CASQ1: variants seen among roughly 807,000 people sequenced by gnomAD.
CASQ1 encodes calsequestrin-1.
CASQ1 carries 40 observed loss-of-function variants against 49.5 expected under a neutral mutation model. The observed-to-expected ratio is 0.81, with a 90% CI of 0.63 to 1.05. CASQ1 has a LOEUF of 1.05. Among genes scored for constraint, CASQ1 ranks in the 50% least tolerant of loss-of-function variants. The probability of loss-of-function intolerance (pLI) is 0.00; values close to 1 mark genes in which losing one functional copy is unlikely to be tolerated. For missense variants in CASQ1, 469 were observed against 486.9 expected (o/e 0.96, Z 0.35); for synonymous variants, 174 against 187.2 (o/e 0.93, Z 0.58).
At chr1:160,195,820 T>C (rs1440912755) in intron 5 of CASQ1, 77 bp from the exon 6 acceptor site, 1 of 1,459,744 alleles carries the variant, frequency 6.9e-7, no homozygotes, top group Non-Finnish European at 9.4e-7. Context: ...TTCCTAATAT[T>C]TGTTCCCCCA....
chr1:160,201,468 G>C lies in CASQ1; in HGVS notation c.*92G>C, dbSNP rs74123288. The stretch of plus-strand genomic sequence containing the variant: ...TCCCTGAGTTCCTCCAGGGAGACTA[G>C]GTTATTCTCTGCCATAGAGCTAACT... On this transcript the variant is annotated 3_prime_UTR_variant, in exon 11 of 11. Transcript: ENST00000368078. 1.1e-3 allele frequency: 1,576 copies of C among 1,385,086 alleles called. 14 individuals are homozygous for C. In the African/African-American group the frequency reaches 0.019, roughly 17 times the overall value. 85.8% of individuals were successfully genotyped at this position (1,385,086 alleles called of 1,614,324 possible). A position where few individuals can be genotyped will look rare whatever the true frequency, so the allele number is the denominator to read the frequency against.
At chr1:160,197,754 C>T (rs975859907) in intron 7 of CASQ1, 140 bp downstream of exon 7, 10 of 664,610 alleles carry the variant, frequency 1.5e-5, no homozygotes, top group Non-Finnish European at 2.2e-5. Context: ...TGTGGTGGCT[C>T]ATGCCTGTAA....
chr1:160,193,231 C>T (rs1654120328), intron 2 of CASQ1, among the ~76,000 whole-genome samples: 1 of 152,116 alleles, frequency 6.6e-6, no homozygotes, highest in African/African-American at 2.4e-5. Context: ...CAACCCCTCC[C>T]ATCCAGAGCC....
chr1:160,192,452 C>G (rs1273089564), intron 1 of CASQ1, among the ~76,000 whole-genome samples: 1 of 152,158 alleles, frequency 6.6e-6, no homozygotes, highest in Non-Finnish European at 1.5e-5. Context: ...GTGACTTGAG[C>G]AGGATGGAAT....
chr1:160,194,867 C>T lies in CASQ1; in HGVS notation c.466-145C>T, dbSNP rs111485344. 36 of 587,376 alleles carry T rather than the reference C, an allele frequency of 6.1e-5. 1 individual carries two copies. The highest frequency in any genetic ancestry group is 3.4e-4 in the East Asian group (12 of 35,142). 36.4% of individuals were successfully genotyped at this position (587,376 alleles called of 1,614,324 possible). Reference sequence around the variant, plus strand: ...ACACATCACACACTATACACACACACGCACATGCAATCCCCCACACACACA... The same window carrying T: ...ACACATCACACACTATACACACACATGCACATGCAATCCCCCACACACACA... On this transcript the variant is annotated intron_variant, in intron 3 of 10. Coordinates refer to ENST00000368078, the MANE Select transcript of CASQ1 (RefSeq NM_001231.5).
rs371888819 is a variant in CASQ1 at position 160,195,989 on chromosome 1, C to T, written c.744C>T (p.Ser248=). 1.9e-4 allele frequency: 310 copies of T among 1,613,976 alleles called. 5 individuals carry two copies. The Admixed American group carries it at 4.9e-3, about 26-fold the overall frequency. ...TGACCATCCCAGACAAGCCCAATAG[C>T]GAAGAGGAGATTGTCAACTTCGTGG... is the stretch of plus-strand genomic sequence containing the variant. ...EPVTIPDKPN[S]EEEIVNFVEE... Residue 248 remains serine, a synonymous_variant, in exon 6 of 11, where the codon AGC becomes AGT. Coordinates refer to ENST00000368078, the MANE Select transcript of CASQ1 (RefSeq NM_001231.5).
At chr1:160,194,954 C>A in intron 3 of CASQ1, 58 bp from the exon 4 acceptor site, 1 of 1,065,622 alleles carries the variant, frequency 9.4e-7, no homozygotes, top group Non-Finnish European at 1.4e-6. Context: ...TCCCTAGGTC[C>A]CTTTCTGGTT....
In CASQ1 at chr1:160,193,828, T is replaced by C. The variant is rs1377257118; in HGVS notation, c.446T>C (p.Ile149Thr). 3 of 1,612,410 alleles carry C rather than the reference T, an allele frequency of 1.9e-6. No individual in the cohort carries two copies. Among genetic ancestry groups the C allele is most frequent in the Non-Finnish European group, 2.5e-6 (3 of 1,178,776 alleles). ...GATGGCGAGTTTTCTGCTGACACCA[T>C]CGTGGAGTTTCTGCTTGATGTAAGG... ...EYDGEFSADT[I>T]VEFLLDVLED... is the part of the protein sequence containing the mutation. The change falls in exon 3 of 11, where the codon ATC becomes ACC. Residue 149 changes from isoleucine to threonine, a missense_variant. Ile to Thr is a moderately conservative substitution (Grantham distance 89). Coordinates refer to ENST00000368078, the MANE Select transcript of CASQ1 (RefSeq NM_001231.5).
chr1:160,195,654 C>CT, intron 5 of CASQ1, 120 bp downstream of exon 5: 1 of 845,696 alleles, frequency 1.2e-6, no homozygotes, highest in South Asian at 1.6e-5. Flanking sequence ...CCCTACCTGC[C>CT]CCCCCCCCCG....
Position 160,201,483 on chromosome 1 carries a change from T to A in CASQ1, c.*107T>A. 1 of 1,208,360 alleles carries A rather than the reference T, an allele frequency of 8.3e-7. No individual in the cohort carries two copies. Among genetic ancestry groups the A allele is most frequent in the Non-Finnish European group, 1.2e-6 (1 of 848,538 alleles). 74.9% of individuals were successfully genotyped at this position (1,208,360 alleles called of 1,614,324 possible). ...AGGGAGACTAGGTTATTCTCTGCCATAGAGCTAACTGGGGTCTATATGCTG... is the reference window on the plus strand; with the variant it reads ...AGGGAGACTAGGTTATTCTCTGCCAAAGAGCTAACTGGGGTCTATATGCTG... On this transcript the variant is annotated 3_prime_UTR_variant, in exon 11 of 11. Coordinates refer to ENST00000368078, the MANE Select transcript of CASQ1 (RefSeq NM_001231.5).
intron 5 of CASQ1, 64 bp from the exon 6 acceptor site, chr1:160,195,833 A>G: frequency 6.4e-7 from 1 of 1,551,646 alleles, no homozygotes; most frequent in South Asian, 1.2e-5. Flanking sequence ...TTCCCCCATT[A>G]TACTGCTTCT....
chr1:160,194,208 C>T (rs1654149683), intron 3 of CASQ1, among the ~76,000 whole-genome samples: 1 of 144,462 alleles, frequency 6.9e-6, no homozygotes, highest in Non-Finnish European at 1.5e-5. Flanking sequence ...ACATGCACAC[C>T]ACACACTCCA....
intron 10 of CASQ1, 101 bp from the exon 11 acceptor site, chr1:160,201,144 T>G: frequency 3.2e-6 from 4 of 1,245,804 alleles, no homozygotes; most frequent in South Asian, 1.4e-5. Flanking sequence ...AGGAAGGGAC[T>G]GAGAATGTAG....
At chr1:160,195,225 C>T (rs1431849179) in intron 4 of CASQ1, 102 bp downstream of exon 4, 3 of 771,850 alleles carry the variant, frequency 3.9e-6, no homozygotes, top group East Asian at 2.6e-5. Context: ...TACCTCTGCA[C>T]TTCCCACCTC....
At chr1:160,197,265 C>T (rs1020509555) in intron 6 of CASQ1, among the ~76,000 whole-genome samples, 3 of 152,224 alleles carry the variant, frequency 2.0e-5, no homozygotes, top group African/African-American at 4.8e-5. Flanking sequence ...ACATATCGGG[C>T]ACTCAATCAT....
At position 160,195,015 on chromosome 1, in the gene CASQ1, C is replaced by G. The variant is rs1654185127; in HGVS notation, c.469C>G (p.Leu157Val). The change falls in exon 4 of 11, where the codon CTA (leucine) becomes GTA (valine). Residue 157 changes from leucine to valine, a missense_variant. By Grantham distance (32) the Leu-to-Val change is conservative (BLOSUM62 1). Coordinates refer to ENST00000368078, the MANE Select transcript of CASQ1 (RefSeq NM_001231.5). Reference protein sequence around the residue: ...DTIVEFLLDVLEDPVELIEGE... With the variant: ...DTIVEFLLDVVEDPVELIEGE... ...CTGCAATGTCCTCCTCTTTCAGGTC[C>G]TAGAGGACCCTGTGGAATTGATTGA... The G allele has an allele frequency of 6.2e-7, 1 of 1,601,044 alleles. No individual in the cohort carries two copies. Among genetic ancestry groups the G allele is most frequent in the African/African-American group, 1.3e-5 (1 of 74,488 alleles).
intron 1 of CASQ1, among the ~76,000 whole-genome samples, chr1:160,191,436 C>T (rs1408388129): frequency 5.3e-5 from 8 of 152,162 alleles, no homozygotes; most frequent in Non-Finnish European, 1.0e-4. Context: ...TCTCCACATA[C>T]TTCAGGGGCT....
chr1:160,201,152 T>C (rs1253706538), intron 10 of CASQ1, 93 bp from the exon 11 acceptor site: 3 of 1,302,620 alleles, frequency 2.3e-6, no homozygotes, highest in African/African-American at 1.5e-5. Context: ...ACTGAGAATG[T>C]AGGGAAGGAT....
At chr1:160,200,394 G>C (rs16831565) in intron 10 of CASQ1, among the ~76,000 whole-genome samples, 12,836 of 152,174 alleles carry the variant, frequency 0.084, 732 homozygotes, top group African/African-American at 0.16. Context: ...AGACTAATTA[G>C]AGAGGCAAGT....
Sources: gnomAD v4.1 joint callset for allele counts (sites outside exome capture counted in the v4.1 genomes callset) on GRCh38, gnomAD v4.1.1 for gene constraint, MANE v1.5 for transcripts, NCBI Gene and HGNC (gene_info 2026-07-23, HGNC 2026-07-21) for gene names.